The following TPGS2 variants were observed in gnomAD, a reference collection of about 807,000 sequenced individuals.
TPGS2 encodes the protein polyglutamylase subunit 2.
Under a neutral mutation model 31.1 loss-of-function variants are expected in TPGS2, and 26 were observed. The observed-to-expected ratio is 0.84, with a 90% CI of 0.61 to 1.16. The LOEUF (loss-of-function observed/expected upper bound fraction) is 1.16, where lower values mean the gene tolerates loss of function less well. Among genes scored for constraint, TPGS2 ranks in the 50% most tolerant of loss-of-function variants. The pLI, the probability that TPGS2 is intolerant of heterozygous loss-of-function variation, is 0.00. For synonymous variants in TPGS2, 130 were observed against 136.6 expected, an observed-to-expected ratio of 0.95 and a Z score of 0.34; for missense variants, 351 against 363.8, an observed-to-expected ratio of 0.96 and a Z score of 0.29.
intron 6 of TPGS2, among the ~76,000 whole-genome samples, chr18:36,788,519 T>G (rs1330506881): frequency 6.6e-6 from 1 of 152,194 alleles, no homozygotes; most frequent in Non-Finnish European, 1.5e-5. Flanking sequence ...TTGTCTTTAG[T>G]GTGTTCCATA....
At chr18:36,805,541 C>G (rs1332159410) in intron 3 of TPGS2, 39 bp from the exon 4 acceptor site, 1 of 1,612,378 alleles carries the variant, frequency 6.2e-7, no homozygotes, top group African/African-American at 1.3e-5. Context: ...CATGGAGTAA[C>G]AGCCTAGTTA....
chr18:36,803,388 G>A (rs537426462), intron 4 of TPGS2, among the ~76,000 whole-genome samples: 10 of 152,160 alleles, frequency 6.6e-5, no homozygotes, highest in Admixed American at 5.2e-4. Flanking sequence ...TAATGTCAGT[G>A]TGCTTATTAT....
chr18:36,797,777 G>A (rs991156704), intron 6 of TPGS2, among the ~76,000 whole-genome samples: 2 of 151,748 alleles, frequency 1.3e-5, no homozygotes, highest in East Asian at 1.9e-4. Flanking sequence ...AGCCACACTT[G>A]GTGTTTTCAA....
intron 2 of TPGS2, among the ~76,000 whole-genome samples, chr18:36,813,114 T>C (rs1240502584): frequency 6.6e-6 from 1 of 152,264 alleles, no homozygotes; most frequent in Admixed American, 6.5e-5. Context: ...TCCTATTTGC[T>C]TAAGCTATTG....
chr18:36,828,990 G>C lies in TPGS2; in HGVS notation c.-223C>G. 1 of 1,105,096 alleles carries C rather than the reference G, an allele frequency of 9.0e-7. No homozygotes were observed. Among genetic ancestry groups the C allele is most frequent in the Non-Finnish European group, 1.2e-6 (1 of 817,198 alleles). The allele number at this position is 1,105,096 out of a possible 1,614,324, so 68.5% of individuals were successfully genotyped here. On this transcript the variant is annotated 5_prime_UTR_variant, in exon 1 of 7. Transcript: ENST00000334295. ...CCCCACACCGCACCTCCGGGACGTA[G>C]CTTCCCCTTCGCCCCCACCCTCTCG...
intron 4 of TPGS2, among the ~76,000 whole-genome samples, chr18:36,802,782 C>G (rs899937221): frequency 2.0e-4 from 30 of 152,154 alleles, no homozygotes; most frequent in Non-Finnish European, 2.9e-5. Flanking sequence ...TGCCCGCCAC[C>G]ACGCCTGGCT....
chr18:36,792,882 T>C (rs114759830), downstream of TPGS2, among the ~76,000 whole-genome samples: 149 of 152,384 alleles, frequency 9.8e-4, no homozygotes, highest in African/African-American at 3.1e-3. Flanking sequence ...CATTCTGCCA[T>C]TTATTCTCAT....
chr18:36,795,438 G>A lies in TPGS2; in HGVS notation c.*1367C>T, dbSNP rs573474960. On this transcript the variant is annotated 3_prime_UTR_variant, in exon 7 of 7. Transcript: ENST00000334295. ...CAAAACTCCTAATTCTCTAACCTCT[G>A]GGACTTCAGTACAAAAACTGCAGCC... is the stretch of plus-strand genomic sequence containing the variant. The A allele has an allele frequency of 9.1e-6, 9 of 985,406 alleles. 1 individual carries two copies. In the South Asian group the frequency reaches 3.8e-4, roughly 41 times the overall value. 61.0% of individuals were successfully genotyped at this position (985,406 alleles called of 1,614,324 possible).
intron 6 of TPGS2, among the ~76,000 whole-genome samples, chr18:36,788,297 T>C (rs887540342): frequency 2.6e-5 from 4 of 152,318 alleles, no homozygotes; most frequent in African/African-American, 9.6e-5. Context: ...CCCAACACCA[T>C]GTCCCAGAAC....
chr18:36,796,785 G>A lies in TPGS2; in HGVS notation c.*20C>T. On this transcript the variant is annotated 3_prime_UTR_variant, in exon 7 of 7. Transcript: ENST00000334295. The stretch of plus-strand genomic sequence containing the variant: ...GAAACCACCACTCTGGAGCTGGTAG[G>A]GAGTTGGAGGGAGGGGTGCTCACTT... 6.3e-7 allele frequency: 1 copy of A among 1,584,682 alleles called. No individual in the cohort carries two copies. The highest frequency in any genetic ancestry group is 1.4e-5 in the African/African-American group (1 of 73,128).
chr18:36,825,432 C>CAAA (rs60365266), intron 1 of TPGS2, among the ~76,000 whole-genome samples: 13 of 77,400 alleles, frequency 1.7e-4, no homozygotes, highest in Admixed American at 2.9e-4. Flanking sequence ...ACTCCGTCTC[C>CAAA]AAAAAAAAAA....
At position 36,796,957 on chromosome 18, in the gene TPGS2, C is replaced by CTT; in HGVS notation, c.749_750dup (p.Val251LysfsTer10). The CTT allele has an allele frequency of 6.2e-7, 1 of 1,605,416 alleles. No individual in the cohort carries two copies. The highest frequency in any genetic ancestry group is 2.2e-5 in the East Asian group (1 of 44,784). The stretch of plus-strand genomic sequence containing the variant: ...ACGATCTTGTTCTTGCTCTTAAACA[C>CTT]TTTGCTGGGATCTAGCTTATTCACA... On this transcript the variant is annotated frameshift_variant, in exon 7 of 7. Transcript: ENST00000334295. LOFTEE classifies it high-confidence loss of function.
chr18:36,817,205 A>C (rs2045696552), intron 2 of TPGS2, among the ~76,000 whole-genome samples: 1 of 152,154 alleles, frequency 6.6e-6, no homozygotes, highest in Non-Finnish European at 1.5e-5. Flanking sequence ...ATCAACTCCC[A>C]GTTACTGAGC....
At chr18:36,805,550 T>C in intron 3 of TPGS2, 48 bp from the exon 4 acceptor site, 1 of 1,609,988 alleles carries the variant, frequency 6.2e-7, no homozygotes, top group Non-Finnish European at 8.5e-7. Flanking sequence ...ACAGCCTAGT[T>C]ACAATGGTTA....
chr18:36,785,831 CTG>C (rs1270576913), intron 6 of TPGS2, among the ~76,000 whole-genome samples: 1 of 152,068 alleles, frequency 6.6e-6, no homozygotes, highest in Non-Finnish European at 1.5e-5. Flanking sequence ...ATCTGTAACT[CTG>C]GAGAGGAAAC....
rs767242428 is a variant in TPGS2, at chr18:36,805,449, G to C, written c.307C>G (p.Gln103Glu). 1 of 1,614,086 alleles carries C rather than the reference G, an allele frequency of 6.2e-7. No homozygotes were observed. The highest frequency in any genetic ancestry group is 8.5e-7 in the Non-Finnish European group (1 of 1,179,946). ...MAINSISKLT[Q>E]LTQSSMYSLP... ...GAATACATGGAAGACTGGGTGAGCT[G>C]AGTCAGTTTTGAGATGCTGTTAATT... The change falls in exon 4 of 7, where the codon CAG (glutamine) becomes GAG (glutamate). Residue 103 changes from glutamine to glutamate, a missense_variant. Transcript: ENST00000334295.
At chr18:36,821,424 G>T (rs1341343502) in intron 1 of TPGS2, among the ~76,000 whole-genome samples, 1 of 152,136 alleles carries the variant, frequency 6.6e-6, no homozygotes, top group Admixed American at 6.5e-5. Flanking sequence ...ACAGTTAATT[G>T]TTGTTTCAAG....
intron 4 of TPGS2, 108 bp from the exon 5 acceptor site, chr18:36,800,419 C>G: frequency 1.2e-6 from 1 of 847,866 alleles, no homozygotes; most frequent in Non-Finnish European, 2.0e-6. Context: ...AGCCTTATCT[C>G]AGACATATAC....
intron 2 of TPGS2, chr18:36,817,838 G>C (rs1464135209): frequency 6.6e-6 from 1 of 152,128 alleles, no homozygotes; most frequent in South Asian, 2.1e-4. Context: ...AATGACTTAT[G>C]GGGTAAGTGT....
Sources: gnomAD v4.1 joint callset for allele counts (sites outside exome capture counted in the v4.1 genomes callset) on GRCh38, gnomAD v4.1.1 for gene constraint, MANE v1.5 for transcripts, NCBI Gene and HGNC (gene_info 2026-07-23, HGNC 2026-07-21) for gene names.